ZFHX3: variants seen among roughly 807,000 people sequenced by gnomAD.
ZFHX3 encodes zinc finger homeobox 3, also known as zinc finger homeobox protein 3.
ZFHX3 carries 42 observed loss-of-function variants against 279.1 expected under a neutral mutation model. The ratio of observed to expected loss-of-function variants is 0.15; its 90% CI spans 0.12 to 0.19. The LOEUF (loss-of-function observed/expected upper bound fraction) is 0.19. Ranked by LOEUF, ZFHX3 falls within the 10% of genes least tolerant of loss-of-function variation. The pLI is 1.00. For missense variants in ZFHX3, 4,981 were observed against 4,754.0 expected, an observed-to-expected ratio of 1.05 and a Z score of -1.40; for synonymous variants, 2,293 against 1,957.8, an observed-to-expected ratio of 1.17 and a Z score of -4.52.
chr16:73,445,031 A>G (rs1349997481), intron 3 of ZFHX3, among the ~76,000 whole-genome samples: 1 of 150,316 alleles, frequency 6.7e-6, no homozygotes, highest in African/African-American at 2.4e-5. Context: ...GCTACTCAGG[A>G]GGCTGAGGCA....
intron 4 of ZFHX3, among the ~76,000 whole-genome samples, chr16:72,846,353 G>A (rs1225775848): frequency 1.3e-5 from 2 of 152,276 alleles, no homozygotes; most frequent in Non-Finnish European, 2.9e-5. Context: ...GGGCACAGAA[G>A]GAGGGCTGGC....
At position 73,379,610 on chromosome 16, in the gene ZFHX3, A is replaced by G. The variant is rs543557952; in HGVS notation, c.-1290-61274T>C. Among the ~76,000 whole-genome samples, 31 of 152,334 alleles carry G rather than the reference A, an allele frequency of 2.0e-4. 1 individual carries two copies. The highest frequency in any genetic ancestry group is 7.0e-4 in the African/African-American group (29 of 41,576). ...GTTATCTCCACAGAGCCAGAACTCA[A>G]TGCATGGAAGCTATCAATGTAAGCA... On this transcript the variant is annotated intron_variant, in intron 3 of 17. Transcript: ENST00000641206.
intron 1 of ZFHX3, among the ~76,000 whole-genome samples, chr16:73,854,040 G>A (rs1329491807): frequency 6.6e-6 from 1 of 152,078 alleles, no homozygotes; most frequent in Non-Finnish European, 1.5e-5. Flanking sequence ...CACAAACAAA[G>A]CATACAGCAC....
exon 1 of ZFHX3, chr16:73,059,524 T>TTCTCTCCCTCTCTC (rs1555546370): frequency 4.8e-5 from 5 of 103,252 alleles, no homozygotes; most frequent in Non-Finnish European, 9.3e-5. Flanking sequence ...ATTTTCCCCT[T>TTCTCTCCCTCTCTC]TCTCTCTCTC....
chr16:72,800,790 G>T (rs2036075524), intron 7 of ZFHX3, among the ~76,000 whole-genome samples: 2 of 152,192 alleles, frequency 1.3e-5, no homozygotes, highest in African/African-American at 2.4e-5. Flanking sequence ...TCTGCCCAAG[G>T]TATACAACAT....
intron 3 of ZFHX3, among the ~76,000 whole-genome samples, chr16:72,898,539 G>C (rs1384293294): frequency 6.6e-6 from 1 of 152,146 alleles, no homozygotes; most frequent in Non-Finnish European, 1.5e-5. Flanking sequence ...GCTGTCTATA[G>C]GTTGTACCTG....
intron 5 of ZFHX3, among the ~76,000 whole-genome samples, chr16:72,822,553 G>C (rs2036821292): frequency 6.6e-6 from 1 of 152,096 alleles, no homozygotes. Flanking sequence ...AAATAATCAT[G>C]ATTATAATAA....
At chr16:73,094,840 G>C (rs1433353025) in intron 7 of ZFHX3, among the ~76,000 whole-genome samples, 1 of 152,128 alleles carries the variant, frequency 6.6e-6, no homozygotes, top group Non-Finnish European at 1.5e-5. Context: ...CTCCTGAGTA[G>C]CTGGGACTGC....
chr16:73,587,328 T>C (rs1194455111), intron 2 of ZFHX3, among the ~76,000 whole-genome samples: 2 of 152,206 alleles, frequency 1.3e-5, no homozygotes, highest in Non-Finnish European at 2.9e-5. Context: ...GGTATACATA[T>C]TACTTTTCAG....
chr16:73,842,949 C>T (rs953284779), intron 1 of ZFHX3, among the ~76,000 whole-genome samples: 1 of 152,180 alleles, frequency 6.6e-6, no homozygotes, highest in Admixed American at 6.5e-5. Context: ...TGAATGGAAC[C>T]CCCACTTTAC....
intron 2 of ZFHX3, among the ~76,000 whole-genome samples, chr16:73,479,775 T>C (rs2018831957): frequency 6.6e-6 from 1 of 152,208 alleles, no homozygotes; most frequent in African/African-American, 2.4e-5. Context: ...GGGAGGAGGA[T>C]ACCTGATTGG....
At chr16:73,648,321 T>C (rs577551339) in intron 2 of ZFHX3, among the ~76,000 whole-genome samples, 9 of 152,314 alleles carry the variant, frequency 5.9e-5, no homozygotes, top group African/African-American at 1.9e-4. Flanking sequence ...TATTATCAAT[T>C]GGGTTTATAG....
At chr16:73,266,766 A>G (rs1007865862) in intron 4 of ZFHX3, among the ~76,000 whole-genome samples, 2 of 152,234 alleles carry the variant, frequency 1.3e-5, no homozygotes, top group African/African-American at 2.4e-5. Flanking sequence ...TCACGGTTTT[A>G]TAAGCGGGAG....
intron 1 of ZFHX3, among the ~76,000 whole-genome samples, chr16:73,685,116 G>C (rs917243646): frequency 1.3e-5 from 2 of 151,774 alleles, no homozygotes; most frequent in African/African-American, 2.4e-5. Context: ...CCAGGTTCAA[G>C]TGATTCCCTT....
chr16:73,811,438 CTTT>C (rs34134056), intron 1 of ZFHX3, among the ~76,000 whole-genome samples: 2 of 106,566 alleles, frequency 1.9e-5, no homozygotes, highest in Non-Finnish European at 1.9e-5. Context: ...TCAGTCTCTT[CTTT>C]TTTTTTTTTT....
intron 1 of ZFHX3, among the ~76,000 whole-genome samples, chr16:73,035,467 G>A (rs1039755337): frequency 6.6e-6 from 1 of 152,192 alleles, no homozygotes; most frequent in African/African-American, 2.4e-5. Flanking sequence ...AAGCTACAAT[G>A]TACTGGCTCC....
At chr16:73,586,348 C>G (rs1259572119) in intron 2 of ZFHX3, among the ~76,000 whole-genome samples, 1 of 151,818 alleles carries the variant, frequency 6.6e-6, no homozygotes, top group East Asian at 1.9e-4. Flanking sequence ...GAGATCGCAC[C>G]ACTGCACTCC....
intron 5 of ZFHX3, among the ~76,000 whole-genome samples, chr16:73,255,024 C>T (rs1342868136): frequency 2.6e-5 from 4 of 152,138 alleles, no homozygotes; most frequent in Non-Finnish European, 4.4e-5. Context: ...GAGATACGAA[C>T]ATCAAAATGG....
chr16:73,202,394 G>C (rs1283844573), intron 5 of ZFHX3, among the ~76,000 whole-genome samples: 2 of 152,238 alleles, frequency 1.3e-5, no homozygotes, highest in African/African-American at 4.8e-5. Context: ...TATGAAGCCT[G>C]AGAAGAAAAT....
Sources: gnomAD v4.1 joint callset for allele counts (sites outside exome capture counted in the v4.1 genomes callset) on GRCh38, gnomAD v4.1.1 for gene constraint, MANE v1.5 for transcripts, NCBI Gene and HGNC (gene_info 2026-07-23, HGNC 2026-07-21) for gene names.